Variants in ACTR1B observed in about 807,000 individuals in gnomAD.
The protein encoded by ACTR1B is beta-centractin.
In ACTR1B, 34 loss-of-function variants were observed where a neutral mutation model predicts 49.4. That is an observed-to-expected ratio of 0.69 (90% CI 0.52 to 0.92). ACTR1B has a LOEUF of 0.92. Among genes scored for constraint, ACTR1B ranks in the 40% least tolerant of loss-of-function variants. The probability of loss-of-function intolerance (pLI) is 0.00; values close to 1 mark genes in which losing one functional copy is unlikely to be tolerated. For synonymous variants in ACTR1B, 207 were observed against 207.8 expected (o/e 1.00, Z 0.03); for missense variants, 471 against 522.4 (o/e 0.90, Z 0.96).
rs200430000 is a variant in ACTR1B, at chr2:97,659,034, G to C, written c.316-31C>G. On this transcript the variant is annotated intron_variant, in intron 4 of 10. Transcript: ENST00000289228. The surrounding 1 kb of genome is among the most constrained non-coding windows in gnomAD (Gnocchi z 4.0). The stretch of plus-strand genomic sequence containing the variant: ...AGGGACGGGACAGTTGTAGGCATCA[G>C]AGGAGGCAACTTGCAAGGCCCTAAA... The C allele has an allele frequency of 8.7e-6, 14 of 1,613,460 alleles. No homozygotes were observed. The highest frequency in any genetic ancestry group is 1.7e-5 in the Admixed American group (1 of 60,010).
In ACTR1B at chr2:97,656,628, A is replaced by T; in HGVS notation, c.*230T>A. ...CCCACAACAGCCTGACATGGCGCTC[A>T]ATTCCCACACGCCAGCTCAAGGCTC... On this transcript the variant is annotated 3_prime_UTR_variant, in exon 11 of 11. Transcript: ENST00000289228. 1 of 523,286 alleles carries T rather than the reference A, an allele frequency of 1.9e-6. No homozygotes were observed. The highest frequency in any genetic ancestry group is 3.4e-6 in the Non-Finnish European group (1 of 291,846). The allele number at this position is 523,286 out of a possible 1,614,324, so 32.4% of individuals were successfully genotyped here.
At chr2:97,661,980 G>C in intron 1 of ACTR1B, 34 bp from the exon 2 acceptor site, 1 of 1,563,862 alleles carries the variant, frequency 6.4e-7, no homozygotes, top group Non-Finnish European at 8.7e-7. Flanking sequence ...CTGCCCACAT[G>C]CACCACCAGA....
intron 1 of ACTR1B, 73 bp from the exon 2 acceptor site, chr2:97,662,019 C>T: frequency 6.8e-7 from 1 of 1,480,704 alleles, no homozygotes; most frequent in Non-Finnish European, 9.2e-7. Flanking sequence ...ATGGAGAGAG[C>T]TGGCTGCCCC....
Position 97,658,235 on chromosome 2 carries a change from T to C in ACTR1B, c.739A>G (p.Ser247Gly), listed in dbSNP as rs1257542419. 3.1e-6 allele frequency: 5 copies of C among 1,614,076 alleles called. No individual in the cohort carries two copies. The East Asian group carries it at 6.7e-5, about 22-fold the overall frequency. Residue 247 changes from serine (S) to glycine (G), a missense_variant, in exon 7 of 11, where the codon AGC becomes GGC. Ser to Gly is a moderately conservative substitution (Grantham distance 56). Transcript: ENST00000289228. The surrounding 1 kb of genome is among the most constrained non-coding windows in gnomAD (Gnocchi z 5.9). ...EKVQYTLPDG[S>G]TLDVGPARFR... ...GCCCGGCCACTTACATCAAGCGTGC[T>C]GCCGTCTGGCAACGTGTACTGCACC...
intron 2 of ACTR1B, 100 bp from the exon 3 acceptor site, chr2:97,660,746 G>A (rs916235657): frequency 2.1e-5 from 25 of 1,179,426 alleles, no homozygotes; most frequent in African/African-American, 7.6e-5. Context: ...AGGGTACCTG[G>A]CCTCCAAACA....
In ACTR1B at chr2:97,658,213, C is replaced by T. The variant is rs753509567; in HGVS notation, c.750+11G>A. ...TCGGCTGCCACTCCAGTGCCAGGCC[C>T]GGCCACTTACATCAAGCGTGCTGCC... is the stretch of plus-strand genomic sequence containing the variant. On this transcript the variant is annotated intron_variant, in intron 7 of 10. Coordinates refer to ENST00000289228, the MANE Select transcript of ACTR1B (RefSeq NM_005735.4). The surrounding 1 kb of genome is among the most constrained non-coding windows in gnomAD (Gnocchi z 5.9). The T allele has an allele frequency of 2.7e-5, 44 of 1,613,872 alleles. No individual in the cohort carries two copies. The highest frequency in any genetic ancestry group is 6.7e-5 in the African/African-American group (5 of 74,944).
At chr2:97,660,174 C>T (rs1022586389) in intron 3 of ACTR1B, among the ~76,000 whole-genome samples, 1 of 152,236 alleles carries the variant, frequency 6.6e-6, no homozygotes, top group Non-Finnish European at 1.5e-5. Flanking sequence ...CAGCTTGCTG[C>T]TCTCCCCACA....
In ACTR1B at chr2:97,656,654, C is replaced by T. The variant is rs1402554908; in HGVS notation, c.*204G>A. On this transcript the variant is annotated 3_prime_UTR_variant, in exon 11 of 11. Coordinates refer to ENST00000289228, the MANE Select transcript of ACTR1B (RefSeq NM_005735.4). ...ATTCCCACACGCCAGCTCAAGGCTC[C>T]TGTCCATGCAGCTCAATGTTACTTG... 4 of 571,014 alleles carry T rather than the reference C, an allele frequency of 7.0e-6. No homozygotes were observed. Among genetic ancestry groups the T allele is most frequent in the African/African-American group, 1.9e-5 (1 of 53,140 alleles). 35.4% of individuals were successfully genotyped at this position (571,014 alleles called of 1,614,324 possible).
In ACTR1B at chr2:97,658,999, G is replaced by A. The variant is rs766818352; in HGVS notation, c.320C>T (p.Pro107Leu). Residue 107 changes from proline (P) to leucine (L), a missense_variant, in exon 5 of 11, where the codon CCT becomes CTT. Coordinates refer to ENST00000289228, the MANE Select transcript of ACTR1B (RefSeq NM_005735.4). The surrounding 1 kb of genome is among the most constrained non-coding windows in gnomAD (Gnocchi z 5.9). ...GAGCGGGGCCTCCGTGAGGAGCACA[G>A]GATGCTGCGAGGGACGGGACAGTTG... ...DQLQTFSEEHPVLLTEAPLNP... is the reference protein window; with the variant it reads ...DQLQTFSEEHLVLLTEAPLNP... 1 of 1,613,990 alleles carries A rather than the reference G, an allele frequency of 6.2e-7. No individual in the cohort carries two copies. The highest frequency in any genetic ancestry group is 8.5e-7 in the Non-Finnish European group (1 of 1,180,026).
At position 97,656,302 on chromosome 2, in the gene ACTR1B, C is replaced by G. The variant is rs949462270; in HGVS notation, c.*556G>C. On this transcript the variant is annotated 3_prime_UTR_variant, in exon 11 of 11. Coordinates refer to ENST00000289228, the MANE Select transcript of ACTR1B (RefSeq NM_005735.4). Reference sequence around the variant, plus strand: ...TGCCCTGGCTCTGAAGGGCCTGACCCTGGGCTGCACCCCCTTGCTGGGGAT... The same window carrying G: ...TGCCCTGGCTCTGAAGGGCCTGACCGTGGGCTGCACCCCCTTGCTGGGGAT... 2 of 159,078 alleles carry G rather than the reference C, an allele frequency of 1.3e-5. No individual in the cohort carries two copies. Among genetic ancestry groups the G allele is most frequent in the Non-Finnish European group, 2.8e-5 (2 of 72,252 alleles). 9.9% of individuals were successfully genotyped at this position (159,078 alleles called of 1,614,324 possible). A position where few individuals can be genotyped will look rare whatever the true frequency, so the allele number is the denominator to read the frequency against.
chr2:97,661,785 G>A (rs1367300575), intron 2 of ACTR1B, 97 bp downstream of exon 2: 3 of 1,269,048 alleles, frequency 2.4e-6, no homozygotes, highest in Non-Finnish European at 3.4e-6. Flanking sequence ...ATACAGGTCA[G>A]GGCACAAATT....
In ACTR1B at chr2:97,659,056, T is replaced by G; in HGVS notation, c.316-53A>C. The G allele has an allele frequency of 6.2e-7, 1 of 1,610,796 alleles. No individual in the cohort carries two copies. The highest frequency in any genetic ancestry group is 8.5e-7 in the Non-Finnish European group (1 of 1,178,132). On this transcript the variant is annotated intron_variant, in intron 4 of 10. Transcript: ENST00000289228. This position sits in a 1 kb window ranked among gnomAD's most constrained non-coding sequence, Gnocchi z 4.0. ...TCAGAGGAGGCAACTTGCAAGGCCCTAAAAGGCTCTTTCCAGAGAACCACA... is the reference window on the plus strand; with the variant it reads ...TCAGAGGAGGCAACTTGCAAGGCCCGAAAAGGCTCTTTCCAGAGAACCACA...
At chr2:97,661,995 G>A (rs1450559704) in intron 1 of ACTR1B, 49 bp from the exon 2 acceptor site, 35 of 1,547,380 alleles carry the variant, frequency 2.3e-5, no homozygotes, top group Non-Finnish European at 3.1e-5. Context: ...ACCAGATGAA[G>A]CCAGTCCCCC....
rs1467542957 is a variant in ACTR1B at position 97,664,024 on chromosome 2, G to A, written c.-134C>T. ...CTCCCTCCCCGAGCCTGCAGCCTAC[G>A]CGAGCCCCGCGGGGCTTTCTGGAGG... is the stretch of plus-strand genomic sequence containing the variant. On this transcript the variant is annotated 5_prime_UTR_variant, in exon 1 of 11. Transcript: ENST00000289228. 2.2e-5 allele frequency: 9 copies of A among 413,418 alleles called. No homozygotes were observed. Among genetic ancestry groups the A allele is most frequent in the African/African-American group, 1.3e-4 (6 of 46,576 alleles). 25.6% of individuals were successfully genotyped at this position (413,418 alleles called of 1,614,324 possible). A position where few individuals can be genotyped will look rare whatever the true frequency, so the allele number is the denominator to read the frequency against.
chr2:97,663,631 G>T (rs1204072217), intron 1 of ACTR1B, among the ~76,000 whole-genome samples: 1 of 151,972 alleles, frequency 6.6e-6, no homozygotes, highest in Non-Finnish European at 1.5e-5. Context: ...CGGGGAAGAG[G>T]CTCTGCGACG....
Position 97,663,908 on chromosome 2 carries a change from C to T in ACTR1B, c.-18G>A, listed in dbSNP as rs1348133244. ...GACTCCATGGCCGGGCCGCGCCGGCCCTGCCCAGCAGGCGGGCTGCAGGAG... is the reference window on the plus strand; with the variant it reads ...GACTCCATGGCCGGGCCGCGCCGGCTCTGCCCAGCAGGCGGGCTGCAGGAG... On this transcript the variant is annotated 5_prime_UTR_variant, in exon 1 of 11. Transcript: ENST00000289228. 4 of 1,357,734 alleles carry T rather than the reference C, an allele frequency of 2.9e-6. No individual in the cohort carries two copies. Among genetic ancestry groups the T allele is most frequent in the Non-Finnish European group, 9.6e-7 (1 of 1,039,852 alleles). 84.1% of individuals were successfully genotyped at this position (1,357,734 alleles called of 1,614,324 possible). A position where few individuals can be genotyped will look rare whatever the true frequency, so the allele number is the denominator to read the frequency against.
intron 2 of ACTR1B, among the ~76,000 whole-genome samples, chr2:97,661,132 C>T (rs532114532): frequency 6.6e-6 from 1 of 152,364 alleles, no homozygotes; most frequent in East Asian, 1.9e-4. Context: ...ACTATAGGAT[C>T]TGATGAGCTA....
Position 97,656,960 on chromosome 2 carries a change from G to A in ACTR1B, c.1029C>T (p.Gly343=), listed in dbSNP as rs141327360. The change falls in exon 11 of 11, where the codon GGC becomes GGT. Residue 343 remains glycine (G), a splice_region_variant and synonymous_variant. Coordinates refer to ENST00000289228, the MANE Select transcript of ACTR1B (RefSeq NM_005735.4). Reference sequence around the variant, plus strand: ...TGTCCAGCGAGGCCAGGATGGAGCCGCTGTGGGGATGGAGGGATAGTATTG... The same window carrying A: ...TGTCCAGCGAGGCCAGGATGGAGCCACTGTGGGGATGGAGGGATAGTATTG... The part of the protein sequence containing the change: ...PQERLYSTWI[G]GSILASLDTF... 7.5e-6 allele frequency: 12 copies of A among 1,591,528 alleles called. No individual in the cohort carries two copies. The African/African-American group carries it at 9.4e-5, about 12-fold the overall frequency.
chr2:97,657,530 G>A (rs1014349026), intron 8 of ACTR1B, 21 bp from the exon 9 acceptor site: 1 of 1,614,034 alleles, frequency 6.2e-7, no homozygotes, highest in African/African-American at 1.3e-5. Flanking sequence ...AAAGCTGGCT[G>A]AGCCTGGGGT....
Sources: allele counts gnomAD v4.1 joint callset (sites outside exome capture counted in the v4.1 genomes callset), GRCh38; gene constraint gnomAD v4.1.1; non-coding constraint Gnocchi (gnomAD v3.1); transcripts MANE v1.5; gene names NCBI Gene and HGNC (gene_info 2026-07-23, HGNC 2026-07-21).